NRXN1: variants seen among roughly 807,000 people sequenced by gnomAD.
NRXN1 encodes the protein neurexin 1.
NRXN1 carries 39 observed loss-of-function variants against 150.9 expected under a neutral mutation model. That is an observed-to-expected ratio of 0.26 (90% CI 0.20 to 0.34). The LOEUF (loss-of-function observed/expected upper bound fraction) is 0.34, where lower values mean the gene tolerates loss of function less well. Among genes scored for constraint, NRXN1 ranks in the 10% least tolerant of loss-of-function variants. NRXN1 has a pLI of 1.00. For synonymous variants in NRXN1, 924 were observed against 757.0 expected (o/e 1.22, Z -3.62); for missense variants, 1,815 against 1,949.9 (o/e 0.93, Z 1.30).
chr2:50,496,190 G>C, intron 14 of NRXN1, 95 bp from the exon 15 acceptor site: 1 of 903,592 alleles, frequency 1.1e-6, no homozygotes, highest in South Asian at 1.8e-5. Context: ...TTTTCAGGTG[G>C]TTCCATCCTT....
chr2:50,681,478 A>G (rs1258351552), intron 5 of NRXN1, among the ~76,000 whole-genome samples: 1 of 152,188 alleles, frequency 6.6e-6, no homozygotes, highest in African/African-American at 2.4e-5. Context: ...AGCAAAAGGG[A>G]CTGAAATATA....
chr2:50,718,126 G>C (rs900628859), intron 5 of NRXN1, among the ~76,000 whole-genome samples: 2 of 152,144 alleles, frequency 1.3e-5, no homozygotes, highest in Non-Finnish European at 2.9e-5. Context: ...ATCACGCTTT[G>C]AAAGGCAGCA....
At position 50,341,948 on chromosome 2, in the gene NRXN1, T is replaced by C. The variant is rs141721749; in HGVS notation, c.3365-104978A>G. Among the ~76,000 whole-genome samples the C allele has an allele frequency of 5.4e-4, 83 of 152,322 alleles. 3 individuals are homozygous for C. In the East Asian group the frequency reaches 0.015, roughly 27 times the overall value. On this transcript the variant is annotated intron_variant, in intron 17 of 22. Transcript: ENST00000401669. ...AAACTATGTATTTTTAAGGAAAAAATTGAATTTGCCTCTTTAAGGATTAAC... is the reference window on the plus strand; with the variant it reads ...AAACTATGTATTTTTAAGGAAAAAACTGAATTTGCCTCTTTAAGGATTAAC...
At chr2:50,488,878 C>T (rs10180284) in intron 15 of NRXN1, among the ~76,000 whole-genome samples, 74,855 of 152,034 alleles carry the variant, frequency 0.49, 18,661 homozygotes, top group Middle Eastern at 0.58. Flanking sequence ...CAACGCATCA[C>T]CACTCCTGGC....
intron 5 of NRXN1, among the ~76,000 whole-genome samples, chr2:50,788,806 A>G (rs1705521670): frequency 6.6e-6 from 1 of 152,216 alleles, no homozygotes; most frequent in Admixed American, 6.5e-5. Flanking sequence ...TAAGGAGATT[A>G]CAATGTCAAA....
chr2:50,491,104 A>G (rs2091227591), intron 15 of NRXN1, among the ~76,000 whole-genome samples: 2 of 152,208 alleles, frequency 1.3e-5, no homozygotes, highest in Admixed American at 1.3e-4. Flanking sequence ...CTATTTAAAC[A>G]AAGTATCTGG....
At chr2:50,790,764 T>C (rs1469848691) in intron 5 of NRXN1, among the ~76,000 whole-genome samples, 1 of 152,164 alleles carries the variant, frequency 6.6e-6, no homozygotes, top group Admixed American at 6.6e-5. Flanking sequence ...AATCTGGGCA[T>C]GAGCAGAAAA....
chr2:50,051,214 C>T (rs1319624136), intron 21 of NRXN1, among the ~76,000 whole-genome samples: 1 of 151,854 alleles, frequency 6.6e-6, no homozygotes, highest in Non-Finnish European at 1.5e-5. Context: ...ACGTATTTAG[C>T]TTTCAAATGA....
At chr2:50,277,497 T>A (rs1486467816) in intron 17 of NRXN1, among the ~76,000 whole-genome samples, 1 of 103,460 alleles carries the variant, frequency 9.7e-6, no homozygotes, top group Non-Finnish European at 2.1e-5. Context: ...TCTTCCCTTC[T>A]TTTTCCTTCC....
At chr2:50,044,346 G>T (rs1691474911) in intron 21 of NRXN1, among the ~76,000 whole-genome samples, 1 of 152,134 alleles carries the variant, frequency 6.6e-6, no homozygotes, top group Non-Finnish European at 1.5e-5. Context: ...GGAGCTAAGG[G>T]GGCCGAGGCT....
intron 21 of NRXN1, among the ~76,000 whole-genome samples, chr2:50,001,688 G>C (rs1683954694): frequency 6.6e-6 from 1 of 152,054 alleles, no homozygotes; most frequent in Admixed American, 6.5e-5. Flanking sequence ...ACATAAATAA[G>C]AGATTGGCAC....
chr2:50,850,172 G>T (rs1199892633), intron 5 of NRXN1, among the ~76,000 whole-genome samples: 3 of 150,698 alleles, frequency 2.0e-5, no homozygotes, highest in African/African-American at 7.3e-5. Flanking sequence ...CAGCTACAGT[G>T]AGCTGTGATT....
intron 2 of NRXN1, among the ~76,000 whole-genome samples, chr2:50,981,318 T>G (rs908627000): frequency 2.6e-4 from 40 of 151,310 alleles, no homozygotes; most frequent in African/African-American, 9.4e-4. Context: ...ATTAGCCAGG[T>G]GTGGTGACAG....
intron 20 of NRXN1, 53 bp from the exon 21 acceptor site, chr2:50,053,643 C>G: frequency 1.3e-6 from 2 of 1,552,886 alleles, no homozygotes; most frequent in Non-Finnish European, 1.8e-6. Context: ...AACTCTATAT[C>G]TACAATGGAT....
intron 2 of NRXN1, among the ~76,000 whole-genome samples, chr2:50,988,721 C>T (rs1283304330): frequency 6.6e-6 from 1 of 151,906 alleles, no homozygotes; most frequent in East Asian, 1.9e-4. Context: ...TACCCTAATG[C>T]TCCATGCAGA....
intron 18 of NRXN1, among the ~76,000 whole-genome samples, chr2:50,151,413 T>A (rs773279622): frequency 1.2e-4 from 18 of 151,698 alleles, no homozygotes; most frequent in Non-Finnish European, 1.8e-4. Context: ...AAATAGGATA[T>A]CAGTATGCAC....
At position 50,538,527 on chromosome 2, in the gene NRXN1, A is replaced by C. The variant is rs201816600; in HGVS notation, c.1869T>G (p.Ala623=). 2 of 1,598,738 alleles carry C rather than the reference A, an allele frequency of 1.3e-6. No individual in the cohort carries two copies. The highest frequency in any genetic ancestry group is 1.7e-6 in the Non-Finnish European group (2 of 1,170,574). ...LYLGGLPENK[A]GLVFPTEVWT... ...ACACCTCGGTGGGGAAGACAAGGCCAGCTTTATTTTCTGGCAGCCCCCCCA... is the reference window on the plus strand; with the variant it reads ...ACACCTCGGTGGGGAAGACAAGGCCCGCTTTATTTTCTGGCAGCCCCCCCA... Residue 623 remains alanine (A), a synonymous_variant, in exon 10 of 23, where the codon GCT becomes GCG. Coordinates refer to ENST00000401669, the MANE Select transcript of NRXN1 (RefSeq NM_001330078.2).
At chr2:50,204,365 T>TGC (rs2152836857) in intron 18 of NRXN1, among the ~76,000 whole-genome samples, 1 of 151,448 alleles carries the variant, frequency 6.6e-6, no homozygotes, top group African/African-American at 2.4e-5. Flanking sequence ...TGTGTGTGTG[T>TGC]GTGTGTGTAT....
chr2:50,756,007 G>A (rs1174025340), intron 5 of NRXN1, among the ~76,000 whole-genome samples: 1 of 151,794 alleles, frequency 6.6e-6, no homozygotes. Context: ...AAAGGGAACA[G>A]GAGTAGGATG....
Sources: allele counts gnomAD v4.1 joint callset (sites outside exome capture counted in the v4.1 genomes callset), GRCh38; gene constraint gnomAD v4.1.1; transcripts MANE v1.5; gene names NCBI Gene and HGNC (gene_info 2026-07-23, HGNC 2026-07-21).